STX1B: variants seen among roughly 807,000 people sequenced by gnomAD.
STX1B encodes syntaxin-1B.
A neutral mutation model predicts 39.4 loss-of-function variants in STX1B; 7 were observed. The ratio of observed to expected loss-of-function variants is 0.18; its 90% CI spans 0.10 to 0.33. STX1B has a LOEUF of 0.33. Ranked by LOEUF, STX1B falls within the 10% of genes least tolerant of loss-of-function variation. The pLI is 1.00. For synonymous variants in STX1B, 136 were observed against 144.1 expected (o/e 0.94, Z 0.40); for missense variants, 198 against 383.2 (o/e 0.52, Z 4.04).
rs1310978821 is a variant in STX1B, at chr16:31,010,459, G to A, written c.-63C>T. ...CCTCTGCTGCTGCTCCGGGTCTCCC[G>A]CCTCTGTGCCGGAGGCCGGGGTCTG... On this transcript the variant is annotated 5_prime_UTR_variant, in exon 1 of 10. Coordinates refer to ENST00000215095, the MANE Select transcript of STX1B (RefSeq NM_052874.5). The A allele has an allele frequency of 1.1e-5, 14 of 1,290,966 alleles. No homozygotes were observed. The highest frequency in any genetic ancestry group is 1.3e-5 in the Non-Finnish European group (13 of 989,884). The allele number at this position is 1,290,966 out of a possible 1,614,324, so 80.0% of individuals were successfully genotyped here. A position where few individuals can be genotyped will look rare whatever the true frequency, so the allele number is the denominator to read the frequency against.
Position 31,001,228 on chromosome 16 carries a change from G to A in STX1B, c.106-35C>T. ...AAAATCGGCTATACCCAGCCAAGCT[G>A]TCAGGCCAAACAACGGGTTCCAGGG... On this transcript the variant is annotated intron_variant, in intron 2 of 9. Coordinates refer to ENST00000215095, the MANE Select transcript of STX1B (RefSeq NM_052874.5). The surrounding 1 kb of genome is among the most constrained non-coding windows in gnomAD (Gnocchi z 5.5). 1.9e-6 allele frequency: 3 copies of A among 1,602,330 alleles called. No homozygotes were observed. Among genetic ancestry groups the A allele is most frequent in the Non-Finnish European group, 2.6e-6 (3 of 1,172,542 alleles).
chr16:31,009,851 C>T (rs2056672107), intron 1 of STX1B, among the ~76,000 whole-genome samples: 1 of 152,000 alleles, frequency 6.6e-6, no homozygotes, highest in Non-Finnish European at 1.5e-5. Flanking sequence ...AGAGATGCCC[C>T]CTCCCTATAG....
At position 31,010,635 on chromosome 16, in the gene STX1B, G is replaced by C. The variant is rs1596724156; in HGVS notation, c.-239C>G. On this transcript the variant is annotated 5_prime_UTR_variant, in exon 1 of 10. Coordinates refer to ENST00000215095, the MANE Select transcript of STX1B (RefSeq NM_052874.5). ...GGCGATGCGGCTGCGGCACAGGGTA[G>C]GATGGAGGGATGCGGGAGCCGAGCG... The C allele has an allele frequency of 2.0e-5, 3 of 151,386 alleles. No individual in the cohort carries two copies. Among genetic ancestry groups the C allele is most frequent in the African/African-American group, 7.3e-5 (3 of 40,858 alleles). The allele number at this position is 151,386 out of a possible 1,614,324, so 9.4% of individuals were successfully genotyped here.
intron 4 of STX1B, among the ~76,000 whole-genome samples, chr16:31,000,297 C>T (rs1025115031): frequency 3.3e-5 from 5 of 150,248 alleles, no homozygotes; most frequent in Admixed American, 2.0e-4. Context: ...TGAGCTACCA[C>T]GCCCAGTCCC....
chr16:30,994,754 C>A (rs1451619473), intron 7 of STX1B, among the ~76,000 whole-genome samples: 1 of 152,176 alleles, frequency 6.6e-6, no homozygotes, highest in African/African-American at 2.4e-5. Context: ...CCATGGCTCC[C>A]CACTACCCAA....
chr16:31,002,081 A>G (rs1189075085), intron 1 of STX1B, among the ~76,000 whole-genome samples: 1 of 151,810 alleles, frequency 6.6e-6, no homozygotes, highest in Non-Finnish European at 1.5e-5. Flanking sequence ...AGGTCACTTC[A>G]CTGCCAGCGG....
chr16:30,997,110 G>A, intron 5 of STX1B, 51 bp from the exon 6 acceptor site: 1 of 1,322,858 alleles, frequency 7.6e-7, no homozygotes. Flanking sequence ...TCAGGGATCA[G>A]GGAGGGAGTC....
chr16:31,001,671 C>T lies in STX1B; in HGVS notation c.31-68G>A. ...GGTCCCCAAGGCTGGCTCTCCAGCT[C>T]TCCCACCCTCTCCCTGCTATGCACA... On this transcript the variant is annotated intron_variant, in intron 1 of 9. Coordinates refer to ENST00000215095, the MANE Select transcript of STX1B (RefSeq NM_052874.5). This position sits in a 1 kb window ranked among gnomAD's most constrained non-coding sequence, Gnocchi z 5.5. 8.3e-7 allele frequency: 1 copy of T among 1,207,586 alleles called. No homozygotes were observed. The allele number at this position is 1,207,586 out of a possible 1,614,324, so 74.8% of individuals were successfully genotyped here. A position where few individuals can be genotyped will look rare whatever the true frequency, so the allele number is the denominator to read the frequency against.
At position 30,989,331 on chromosome 16, in the gene STX1B, G is replaced by A. The variant is rs932962840; in HGVS notation, c.*3490C>T. The stretch of plus-strand genomic sequence containing the variant: ...GCCCAGGGTGGGGTGGGGGGCTCTG[G>A]GGACAGGACATGCAGGGAGGAAGGG... On this transcript the variant is annotated 3_prime_UTR_variant, in exon 10 of 10. Coordinates refer to ENST00000215095, the MANE Select transcript of STX1B (RefSeq NM_052874.5). 6.6e-6 allele frequency: 1 copy of A among 151,764 alleles called. No homozygotes were observed. Among genetic ancestry groups the A allele is most frequent in the African/African-American group, 2.4e-5 (1 of 41,242 alleles). 9.4% of individuals were successfully genotyped at this position (151,764 alleles called of 1,614,324 possible). A position where few individuals can be genotyped will look rare whatever the true frequency, so the allele number is the denominator to read the frequency against.
At chr16:31,007,488 G>A (rs2056660605) in intron 1 of STX1B, among the ~76,000 whole-genome samples, 1 of 152,052 alleles carries the variant, frequency 6.6e-6, no homozygotes, top group Non-Finnish European at 1.5e-5. Flanking sequence ...GCCCCACTCT[G>A]GCTTCACTCC....
chr16:30,995,705 G>A (rs1169585320), intron 7 of STX1B, among the ~76,000 whole-genome samples: 1 of 151,936 alleles, frequency 6.6e-6, no homozygotes, highest in Non-Finnish European at 1.5e-5. Flanking sequence ...TGGCCAGGCT[G>A]GTCTCGAACT....
intron 1 of STX1B, among the ~76,000 whole-genome samples, chr16:31,008,110 T>C (rs1373189067): frequency 2.0e-5 from 3 of 151,766 alleles, no homozygotes; most frequent in African/African-American, 7.3e-5. Context: ...TCCCTCCCAG[T>C]GTCTCAGAGA....
At chr16:30,997,389 A>T (rs1284108786) in intron 5 of STX1B, 113 bp downstream of exon 5, 2 of 221,964 alleles carry the variant, frequency 9.0e-6, no homozygotes, top group Non-Finnish European at 1.5e-5. Context: ...GCCCCGCCCC[A>T]GCCCTCCCTG....
rs372213532 is a variant in STX1B, at chr16:30,996,966, G to T, written c.448C>A (p.Arg150=). 1.8e-5 allele frequency: 29 copies of T among 1,613,276 alleles called. 2 individuals carry two copies. The South Asian group carries it at 3.1e-4, about 17-fold the overall frequency. Residue 150 remains arginine (R), a synonymous_variant, in exon 6 of 10, where the codon CGG becomes AGG. Transcript: ENST00000215095. Reference sequence around the variant, plus strand: ...GCACACGCACTGATCTCCAGTTGCCGCTGGATCCGGTCCTTGCAGCGGTCC... The same window carrying T: ...GCACACGCACTGATCTCCAGTTGCCTCTGGATCCGGTCCTTGCAGCGGTCC... ...YRDRCKDRIQ[R]QLEITGRTTT...
chr16:30,990,676 G>A lies in STX1B; in HGVS notation c.*2145C>T, dbSNP rs978869170. Reference sequence around the variant, plus strand: ...GCATGGCACATTTGTGTACTTGTGTGTTCACCTTTCATGATCCTAGACCAC... The same window carrying A: ...GCATGGCACATTTGTGTACTTGTGTATTCACCTTTCATGATCCTAGACCAC... On this transcript the variant is annotated 3_prime_UTR_variant, in exon 10 of 10. Coordinates refer to ENST00000215095, the MANE Select transcript of STX1B (RefSeq NM_052874.5). 4 of 152,234 alleles carry A rather than the reference G, an allele frequency of 2.6e-5. No individual in the cohort carries two copies. The highest frequency in any genetic ancestry group is 1.9e-4 in the East Asian group (1 of 5,190). The allele number at this position is 152,234 out of a possible 1,614,324, so 9.4% of individuals were successfully genotyped here. A position where few individuals can be genotyped will look rare whatever the true frequency, so the allele number is the denominator to read the frequency against.
rs2056556205 is a variant in STX1B at position 30,991,314 on chromosome 16, T to A, written c.*1507A>T. ...CTCGGGGCTATGCTGGGCAGAGACA[T>A]GGAGGAAGATGAGGATCTAGGTGTG... On this transcript the variant is annotated 3_prime_UTR_variant, in exon 10 of 10. Transcript: ENST00000215095. 6.6e-6 allele frequency: 1 copy of A among 152,390 alleles called. No homozygotes were observed. The highest frequency in any genetic ancestry group is 1.5e-5 in the Non-Finnish European group (1 of 68,058). The allele number at this position is 152,390 out of a possible 1,614,324, so 9.4% of individuals were successfully genotyped here.
intron 4 of STX1B, among the ~76,000 whole-genome samples, chr16:31,000,284 G>C (rs900252048): frequency 1.3e-5 from 2 of 151,228 alleles, no homozygotes; most frequent in Non-Finnish European, 2.9e-5. Context: ...GGGATTATAG[G>C]CATGAGCTAC....
At chr16:30,993,265 G>C (rs1314518597) in intron 8 of STX1B, 25 bp from the exon 9 acceptor site, 1 of 1,613,892 alleles carries the variant, frequency 6.2e-7, no homozygotes, top group Admixed American at 1.7e-5. Context: ...GACATGCACA[G>C]GGAGGGATGG....
intron 9 of STX1B, 53 bp from the exon 10 acceptor site, chr16:30,992,954 GGACA>G: frequency 6.7e-7 from 1 of 1,494,950 alleles, no homozygotes; most frequent in Non-Finnish European, 9.3e-7. Context: ...ATCGACACAC[GGACA>G]GATGCAGGGA....
Sources: allele counts gnomAD v4.1 joint callset (sites outside exome capture counted in the v4.1 genomes callset), GRCh38; gene constraint gnomAD v4.1.1; non-coding constraint Gnocchi (gnomAD v3.1); transcripts MANE v1.5; gene names NCBI Gene and HGNC (gene_info 2026-07-23, HGNC 2026-07-21).